RAPGEF6: variants seen among roughly 807,000 people sequenced by gnomAD.
RAPGEF6 encodes the protein PDZ domain containing guanine nucleotide exchange factor (GEF) 2.
A neutral mutation model predicts 171.4 loss-of-function variants in RAPGEF6; 56 were observed. The observed-to-expected ratio is 0.33, with a 90% CI of 0.26 to 0.41. The LOEUF is 0.41. Among genes scored for constraint, RAPGEF6 ranks in the 10% least tolerant of loss-of-function variants. The pLI is 1.00. For missense variants in RAPGEF6, 1,674 were observed against 1,921.4 expected, an observed-to-expected ratio of 0.87 and a Z score of 2.41; for synonymous variants, 692 against 650.1, an observed-to-expected ratio of 1.06 and a Z score of -0.98.
chr5:131,470,670 A>AAC (rs1438686317), intron 17 of RAPGEF6, among the ~76,000 whole-genome samples: 1 of 152,232 alleles, frequency 6.6e-6, no homozygotes, highest in African/African-American at 2.4e-5. Flanking sequence ...ACTGCTGTAA[A>AAC]ACACACACAC....
intron 3 of RAPGEF6, 76 bp from the exon 4 acceptor site, chr5:131,592,542 T>C: frequency 6.5e-7 from 1 of 1,527,864 alleles, no homozygotes; most frequent in Non-Finnish European, 8.8e-7. Context: ...ATAAGAAATA[T>C]ATTCTGATAA....
chr5:131,579,603 C>T (rs1762815254), intron 4 of RAPGEF6, among the ~76,000 whole-genome samples: 2 of 152,054 alleles, frequency 1.3e-5, no homozygotes, highest in Non-Finnish European at 1.5e-5. Context: ...ATTAGCTAGA[C>T]ACAGAGCACT....
At chr5:131,605,499 T>C (rs1454629658) in intron 1 of RAPGEF6, among the ~76,000 whole-genome samples, 1 of 151,514 alleles carries the variant, frequency 6.6e-6, no homozygotes, top group African/African-American at 2.4e-5. Context: ...TAATAAAAAA[T>C]AAATAAATAA....
intron 4 of RAPGEF6, among the ~76,000 whole-genome samples, chr5:131,572,427 G>T (rs1008120895): frequency 7.2e-5 from 11 of 152,122 alleles, no homozygotes; most frequent in African/African-American, 2.7e-4. Context: ...AGACAAAAAG[G>T]AGACACACTT....
chr5:131,628,561 G>A (rs1489949737), intron 1 of RAPGEF6, among the ~76,000 whole-genome samples: 1 of 152,110 alleles, frequency 6.6e-6, no homozygotes, highest in Non-Finnish European at 1.5e-5. Flanking sequence ...AATTAATGAA[G>A]GTGGCTACAC....
intron 6 of RAPGEF6, among the ~76,000 whole-genome samples, chr5:131,524,900 G>A (rs1319980069): frequency 6.6e-6 from 1 of 152,172 alleles, no homozygotes; most frequent in East Asian, 1.9e-4. Context: ...ACAGGCGTAA[G>A]CCACCTTGCC....
intron 19 of RAPGEF6, among the ~76,000 whole-genome samples, chr5:131,460,630 A>G (rs1428638421): frequency 1.3e-5 from 2 of 152,160 alleles, no homozygotes; most frequent in African/African-American, 2.4e-5. Context: ...AAGAAAACCT[A>G]TCTTCAGTTT....
At chr5:131,477,473 T>C (rs529329515) in intron 16 of RAPGEF6, among the ~76,000 whole-genome samples, 6 of 152,348 alleles carry the variant, frequency 3.9e-5, no homozygotes, top group African/African-American at 1.2e-4. Flanking sequence ...TTTTACCAGA[T>C]AGTCCTCTTT....
intron 3 of RAPGEF6, among the ~76,000 whole-genome samples, chr5:131,594,313 T>A (rs1341180664): frequency 6.6e-6 from 1 of 152,280 alleles, no homozygotes; most frequent in African/African-American, 2.4e-5. Flanking sequence ...GCTGCAAGCC[T>A]CAAGCCTTGG....
intron 24 of RAPGEF6, among the ~76,000 whole-genome samples, chr5:131,438,917 A>G (rs1283275264): frequency 6.6e-6 from 1 of 152,158 alleles, no homozygotes; most frequent in South Asian, 2.1e-4. Context: ...ATAGTTGGTT[A>G]AAAACAGTTT....
intron 5 of RAPGEF6, among the ~76,000 whole-genome samples, chr5:131,558,219 T>G (rs1271204509): frequency 2.3e-5 from 3 of 132,866 alleles, no homozygotes; most frequent in Non-Finnish European, 4.7e-5. Context: ...GCCAGTTTGG[T>G]TTTTTTTTTT....
intron 19 of RAPGEF6, among the ~76,000 whole-genome samples, chr5:131,459,823 G>GA (rs1753789457): frequency 6.6e-6 from 1 of 152,118 alleles, no homozygotes; most frequent in African/African-American, 2.4e-5. Context: ...GTATCTCTGG[G>GA]GAGAGGAATT....
chr5:131,612,747 A>G (rs965423021), intron 1 of RAPGEF6, among the ~76,000 whole-genome samples: 1 of 152,262 alleles, frequency 6.6e-6, no homozygotes, highest in Non-Finnish European at 1.5e-5. Context: ...CTAGTGTTAC[A>G]GGGAACCAGA....
chr5:131,495,918 C>T (rs1756609988), intron 12 of RAPGEF6, among the ~76,000 whole-genome samples: 1 of 152,236 alleles, frequency 6.6e-6, no homozygotes, highest in African/African-American at 2.4e-5. Flanking sequence ...AAGAAGTACA[C>T]AGAATGTCTA....
intron 6 of RAPGEF6, among the ~76,000 whole-genome samples, chr5:131,534,664 ATACT>A (rs1335109682): frequency 6.7e-6 from 1 of 148,226 alleles, no homozygotes; most frequent in Non-Finnish European, 1.5e-5. Context: ...ATTCCACTTG[ATACT>A]TAATATTGTA....
intron 6 of RAPGEF6, among the ~76,000 whole-genome samples, chr5:131,527,620 T>G (rs1238320092): frequency 6.6e-6 from 1 of 151,664 alleles, no homozygotes; most frequent in African/African-American, 2.4e-5. Context: ...GCACAGAAGG[T>G]GAAATAGAAG....
chr5:131,518,309 A>G (rs1420764923), intron 7 of RAPGEF6, among the ~76,000 whole-genome samples: 1 of 151,284 alleles, frequency 6.6e-6, no homozygotes, highest in Non-Finnish European at 1.5e-5. Flanking sequence ...TTTTGTGTTT[A>G]TCTTTATTGG....
chr5:131,594,740 G>A (rs990954461), intron 3 of RAPGEF6, among the ~76,000 whole-genome samples: 1 of 152,204 alleles, frequency 6.6e-6, no homozygotes, highest in Admixed American at 6.5e-5. Flanking sequence ...GGGTGCCCTG[G>A]ATGTGAGACA....
intron 13 of RAPGEF6, 98 bp from the exon 14 acceptor site, chr5:131,492,883 C>T: frequency 8.5e-7 from 1 of 1,171,062 alleles, no homozygotes; most frequent in Non-Finnish European, 1.2e-6. Context: ...TATAAATATA[C>T]ATGTATAAGC....
Sources: allele counts gnomAD v4.1 joint callset (sites outside exome capture counted in the v4.1 genomes callset), GRCh38; gene constraint gnomAD v4.1.1; transcripts MANE v1.5; gene names NCBI Gene and HGNC (gene_info 2026-07-23, HGNC 2026-07-21).